The following CCDC192 variants were observed in gnomAD, a reference collection of about 807,000 sequenced individuals.
CCDC192 encodes the protein coiled-coil domain-containing protein 192.
intron 2 of CCDC192, among the ~76,000 whole-genome samples, chr5:127,739,242 G>T (rs1317983860): frequency 6.6e-6 from 1 of 152,148 alleles, no homozygotes; most frequent in Non-Finnish European, 1.5e-5. Flanking sequence ...TAGGCTGCCC[G>T]GGGGTCAGGG....
At chr5:127,795,319 T>C (rs952573828) in intron 3 of CCDC192, among the ~76,000 whole-genome samples, 6 of 144,908 alleles carry the variant, frequency 4.1e-5, no homozygotes, top group African/African-American at 1.0e-4. Context: ...AACAATTTGG[T>C]AAATATTTAG....
intron 3 of CCDC192, among the ~76,000 whole-genome samples, chr5:127,774,937 A>T (rs746510353): frequency 1.3e-5 from 2 of 152,114 alleles, no homozygotes; most frequent in Non-Finnish European, 2.9e-5. Flanking sequence ...TTTCTATAAC[A>T]TTTTGAGTTT....
intron 3 of CCDC192, among the ~76,000 whole-genome samples, chr5:127,766,335 A>G (rs1183762313): frequency 6.6e-6 from 1 of 152,156 alleles, no homozygotes; most frequent in Non-Finnish European, 1.5e-5. Flanking sequence ...ATATGCAGGC[A>G]AATATAGGAA....
intron 3 of CCDC192, chr5:127,786,244 A>G (rs1756528814): frequency 1.4e-6 from 1 of 704,688 alleles, no homozygotes; most frequent in Admixed American, 2.1e-5. Flanking sequence ...TTGTTCCTGA[A>G]GCACACAAGC....
intron 6 of CCDC192, among the ~76,000 whole-genome samples, chr5:127,906,955 A>C (rs1278908034): frequency 1.3e-5 from 2 of 152,188 alleles, no homozygotes; most frequent in African/African-American, 4.8e-5. Context: ...TCTTATCAGC[A>C]GTGCACCAGG....
intron 2 of CCDC192, among the ~76,000 whole-genome samples, chr5:127,726,180 G>A (rs1752311028): frequency 6.6e-6 from 1 of 151,924 alleles, no homozygotes; most frequent in Admixed American, 6.6e-5. Context: ...ATAAATATAT[G>A]TTATCTTTGT....
chr5:127,880,470 G>A (rs1225107655), intron 6 of CCDC192, among the ~76,000 whole-genome samples: 1 of 103,176 alleles, frequency 9.7e-6, no homozygotes, highest in Non-Finnish European at 1.9e-5. Context: ...GGGGAGGGGG[G>A]AGGGATAGCA....
At chr5:127,810,928 T>A (rs973851279) in intron 5 of CCDC192, among the ~76,000 whole-genome samples, 1 of 152,154 alleles carries the variant, frequency 6.6e-6, no homozygotes, top group African/African-American at 2.4e-5. Flanking sequence ...TCTAGTGGGT[T>A]GTGACTTTCC....
chr5:127,868,502 A>T (rs1751707127), intron 5 of CCDC192, among the ~76,000 whole-genome samples: 1 of 152,236 alleles, frequency 6.6e-6, no homozygotes, highest in Non-Finnish European at 1.5e-5. Flanking sequence ...ACTCTAATTC[A>T]TACTCAGTGG....
chr5:127,863,832 A>G (rs1751477840), intron 5 of CCDC192, among the ~76,000 whole-genome samples: 1 of 152,230 alleles, frequency 6.6e-6, no homozygotes, highest in Non-Finnish European at 1.5e-5. Flanking sequence ...AATTAGAGCA[A>G]GTAGAGGTCA....
chr5:127,879,566 C>A (rs1425429682), intron 6 of CCDC192, among the ~76,000 whole-genome samples: 16 of 56,826 alleles, frequency 2.8e-4, no homozygotes, highest in African/African-American at 1.1e-3. Context: ...GCAATGGCAA[C>A]AAAAGACAAA....
intron 5 of CCDC192, among the ~76,000 whole-genome samples, chr5:127,807,919 TG>T (rs773478616): frequency 2.0e-5 from 3 of 152,114 alleles, no homozygotes; most frequent in Admixed American, 1.3e-4. Flanking sequence ...GCTACTTTAT[TG>T]AATGGCAGGC....
intron 2 of CCDC192, among the ~76,000 whole-genome samples, chr5:127,727,858 TG>T (rs143740625): frequency 0.033 from 5,025 of 152,246 alleles, 275 homozygotes; most frequent in African/African-American, 0.11. Flanking sequence ...AATGACCTGA[TG>T]GAGCTGAAAA....
chr5:127,727,962 G>A (rs750643055), intron 2 of CCDC192, among the ~76,000 whole-genome samples: 2 of 152,112 alleles, frequency 1.3e-5, no homozygotes, highest in African/African-American at 4.8e-5. Flanking sequence ...AGACTATCTT[G>A]CTGAAATAAG....
intron 6 of CCDC192, chr5:127,940,849 C>T (rs899447732): frequency 1.5e-5 from 3 of 195,060 alleles, no homozygotes; most frequent in Admixed American, 6.1e-5. Flanking sequence ...ATAACATGAA[C>T]GTTAGGATGG....
At chr5:127,927,937 C>CTTTT (rs1271788889) in intron 6 of CCDC192, among the ~76,000 whole-genome samples, 43 of 117,672 alleles carry the variant, frequency 3.7e-4, no homozygotes, top group Non-Finnish European at 5.1e-4. Flanking sequence ...TCTTATAGTT[C>CTTTT]TTTTTTTTTT....
At chr5:127,818,084 C>A (rs1749112830) in intron 5 of CCDC192, among the ~76,000 whole-genome samples, 1 of 152,108 alleles carries the variant, frequency 6.6e-6, no homozygotes, top group African/African-American at 2.4e-5. Context: ...AGCTTTTTCC[C>A]AAATCACTGC....
chr5:127,799,458 G>C (rs1444071815), intron 5 of CCDC192, among the ~76,000 whole-genome samples: 1 of 152,178 alleles, frequency 6.6e-6, no homozygotes, highest in African/African-American at 2.4e-5. Flanking sequence ...TTTTGTTGCA[G>C]ATGCCTTTCC....
chr5:127,865,883 T>A (rs941771429), intron 5 of CCDC192, among the ~76,000 whole-genome samples: 1 of 152,070 alleles, frequency 6.6e-6, no homozygotes. Context: ...GCTTTGTGCC[T>A]ATAGTACCCT....
Sources: allele counts gnomAD v4.1 joint callset (sites outside exome capture counted in the v4.1 genomes callset), GRCh38; gene constraint gnomAD v4.1.1; transcripts MANE v1.5; gene names NCBI Gene and HGNC (gene_info 2026-07-23, HGNC 2026-07-21).